Variants in TENT4A observed in about 807,000 individuals in gnomAD.
TENT4A encodes the protein terminal nucleotidyltransferase 4A.
TENT4A carries 7 observed loss-of-function variants against 72.8 expected under a neutral mutation model. That is an observed-to-expected ratio of 0.10 (90% confidence interval 0.05 to 0.18). The LOEUF is 0.18. TENT4A is among the 10% of genes least tolerant of loss of function. The pLI is 1.00. For synonymous variants in TENT4A, 456 were observed against 434.3 expected, an observed-to-expected ratio of 1.05 and a Z score of -0.62; for missense variants, 831 against 1,017.7, an observed-to-expected ratio of 0.82 and a Z score of 2.50.
chr5:6,734,546 G>GTT (rs1741374011), intron 1 of TENT4A, among the ~76,000 whole-genome samples: 1 of 152,274 alleles, frequency 6.6e-6, no homozygotes, highest in South Asian at 2.1e-4. Flanking sequence ...CGTCATCCAA[G>GTT]AGGCATGGAT....
intron 1 of TENT4A, among the ~76,000 whole-genome samples, chr5:6,718,372 G>A (rs1740485876): frequency 6.6e-6 from 1 of 152,230 alleles, no homozygotes; most frequent in African/African-American, 2.4e-5. Context: ...GGTGTGACCT[G>A]TCCGGAACAT....
chr5:6,722,032 C>T (rs1006854263), intron 1 of TENT4A, among the ~76,000 whole-genome samples: 1 of 152,210 alleles, frequency 6.6e-6, no homozygotes, highest in Non-Finnish European at 1.5e-5. Flanking sequence ...GATGTTTCTG[C>T]ATCAGACCTG....
chr5:6,742,701 T>C, intron 5 of TENT4A, 104 bp downstream of exon 5: 1 of 703,870 alleles, frequency 1.4e-6, no homozygotes, highest in Non-Finnish European at 2.6e-6. Context: ...ACACAAGTCT[T>C]TCGTAACACA....
intron 1 of TENT4A, among the ~76,000 whole-genome samples, chr5:6,733,917 A>G (rs533830194): frequency 4.7e-4 from 72 of 152,220 alleles, no homozygotes; most frequent in Non-Finnish European, 9.4e-4. Context: ...AAATGTTTAC[A>G]TTTTTAAAGG....
At chr5:6,723,253 A>G (rs1262959582) in intron 1 of TENT4A, among the ~76,000 whole-genome samples, 1 of 152,238 alleles carries the variant, frequency 6.6e-6, no homozygotes, top group Admixed American at 6.5e-5. Flanking sequence ...GCACAGAGCA[A>G]CATGGAGCAA....
intron 7 of TENT4A, among the ~76,000 whole-genome samples, chr5:6,747,202 C>T (rs982469378): frequency 2.0e-5 from 3 of 152,086 alleles, no homozygotes; most frequent in African/African-American, 7.2e-5. Context: ...AAATCGTTGG[C>T]GGACGGGTGA....
At chr5:6,750,204 C>T in intron 9 of TENT4A, 127 bp from the exon 10 acceptor site, 3 of 576,474 alleles carry the variant, frequency 5.2e-6, no homozygotes, top group Non-Finnish European at 8.4e-6. Flanking sequence ...TAGGCAAAAC[C>T]TAATGTTGGG....
At chr5:6,723,827 G>A (rs1176361280) in intron 1 of TENT4A, among the ~76,000 whole-genome samples, 1 of 152,214 alleles carries the variant, frequency 6.6e-6, no homozygotes, top group Admixed American at 6.5e-5. Flanking sequence ...GCAGTAGTAC[G>A]CTCAGGTTCG....
chr5:6,737,238 G>A (rs2126632089), intron 1 of TENT4A, among the ~76,000 whole-genome samples: 1 of 152,348 alleles, frequency 6.6e-6, no homozygotes, highest in East Asian at 1.9e-4. Context: ...TCAATATAAA[G>A]TCACTGAGAT....
chr5:6,724,091 G>A (rs1487680916), intron 1 of TENT4A, among the ~76,000 whole-genome samples: 3 of 152,236 alleles, frequency 2.0e-5, no homozygotes, highest in Admixed American at 1.3e-4. Flanking sequence ...TCATTTTGAA[G>A]AGAGAAAAAT....
intron 1 of TENT4A, among the ~76,000 whole-genome samples, chr5:6,722,547 GTTTTTTTT>G (rs55840324): frequency 1.6e-5 from 2 of 123,266 alleles, no homozygotes; most frequent in Non-Finnish European, 3.3e-5. Context: ...GCATTTGTTA[GTTTTTTTT>G]TTTTTTTTTT....
intron 1 of TENT4A, among the ~76,000 whole-genome samples, chr5:6,733,370 G>A (rs1195729303): frequency 6.6e-6 from 1 of 152,240 alleles, no homozygotes; most frequent in Non-Finnish European, 1.5e-5. Flanking sequence ...TGCCTGGGGG[G>A]CAGCAGGGCC....
At chr5:6,748,721 T>G in intron 8 of TENT4A, 131 bp downstream of exon 8, 1 of 969,142 alleles carries the variant, frequency 1.0e-6, no homozygotes, top group East Asian at 2.5e-5. Context: ...TCTAGATATG[T>G]TGGTGAAGGA....
chr5:6,751,156 C>G lies in TENT4A; in HGVS notation c.1978C>G (p.Pro660Ala). 1 of 1,614,240 alleles carries G rather than the reference C, an allele frequency of 6.2e-7. No homozygotes were observed. Among genetic ancestry groups the G allele is most frequent in the Non-Finnish European group, 8.5e-7 (1 of 1,180,040 alleles). ...ALPMPSGKPQ[P>A]TTSRTLIMTT... is the part of the protein sequence containing the mutation. ...GCCAATGCCCAGTGGCAAACCTCAG[C>G]CCACCACTTCCAGAACACTGATCAT... Residue 660 changes from proline (P) to alanine (A), a missense_variant, in exon 11 of 13, where the codon CCC (proline) becomes GCC (alanine). Transcript: ENST00000230859.
intron 1 of TENT4A, among the ~76,000 whole-genome samples, chr5:6,726,808 C>A (rs1462887075): frequency 6.6e-6 from 1 of 152,206 alleles, no homozygotes; most frequent in Non-Finnish European, 1.5e-5. Flanking sequence ...TCAGCGCCCT[C>A]CCTCCTGCGC....
chr5:6,753,068 C>A, intron 12 of TENT4A, 31 bp downstream of exon 12: 1 of 1,551,814 alleles, frequency 6.4e-7, no homozygotes, highest in Non-Finnish European at 8.8e-7. Flanking sequence ...ATTCACCTAC[C>A]TGTTCAAGCT....
chr5:6,749,419 A>C, intron 8 of TENT4A, 138 bp from the exon 9 acceptor site: 1 of 639,532 alleles, frequency 1.6e-6, no homozygotes, highest in Non-Finnish European at 2.8e-6. Flanking sequence ...ATATTTGTCA[A>C]CGTATTTTAG....
chr5:6,743,249 G>C (rs1741913708), intron 5 of TENT4A, among the ~76,000 whole-genome samples: 1 of 152,090 alleles, frequency 6.6e-6, no homozygotes, highest in Admixed American at 6.6e-5. Flanking sequence ...CATCTGGTCT[G>C]AGGGAGCATG....
chr5:6,714,752 G>GGCGCCCGCGGTCCTGGCCT, intron 1 of TENT4A, 53 bp downstream of exon 1: 1 of 1,082,368 alleles, frequency 9.2e-7, no homozygotes, highest in East Asian at 3.9e-5. Flanking sequence ...GGTCCTGGCC[G>GGCGCCCGCGGTCCTGGCCT]GCGCCCGCGG....
Sources: gnomAD v4.1 joint callset for allele counts (sites outside exome capture counted in the v4.1 genomes callset) on GRCh38, gnomAD v4.1.1 for gene constraint, MANE v1.5 for transcripts, NCBI Gene and HGNC (gene_info 2026-07-23, HGNC 2026-07-21) for gene names.